AGRN: variants seen among roughly 807,000 people sequenced by gnomAD.
AGRN encodes the protein agrin proteoglycan.
In AGRN, 106 loss-of-function variants were observed where a neutral mutation model predicts 211.0. The observed-to-expected ratio is 0.50, with a 90% CI of 0.43 to 0.59. The LOEUF (loss-of-function observed/expected upper bound fraction) is 0.59. Ranked by LOEUF, AGRN falls within the 20% of genes least tolerant of loss-of-function variation. The pLI is 0.00. For synonymous variants in AGRN, 1,525 were observed against 1,332.5 expected (o/e 1.14, Z -3.15); for missense variants, 3,040 against 2,982.6 (o/e 1.02, Z -0.45).
At chr1:1,038,065 G>A (rs374477282) in intron 3 of AGRN, among the ~76,000 whole-genome samples, 1 of 152,170 alleles carries the variant, frequency 6.6e-6, no homozygotes, top group Non-Finnish European at 1.5e-5. Flanking sequence ...ACTCTTGAGG[G>A]GCAGATGTGT....
At chr1:1,033,800 G>GGCCCCGGGCCCAGCCCCA (rs1644732019) in intron 2 of AGRN, among the ~76,000 whole-genome samples, 2 of 52,674 alleles carry the variant, frequency 3.8e-5, no homozygotes, top group African/African-American at 1.5e-4. Context: ...CAGCGCTCCC[G>GGCCCCGGGCCCAGCCCCA]GCCCCGGGCC....
intron 34 of AGRN, among the ~76,000 whole-genome samples, 153 bp downstream of exon 34, chr1:1,054,130 A>C (rs971435210): frequency 1.3e-5 from 2 of 152,234 alleles, no homozygotes; most frequent in African/African-American, 4.8e-5. Context: ...GGAAGGGCCA[A>C]GAAGATGCAG....
At position 1,050,234 on chromosome 1, in the gene AGRN, C is replaced by T. The variant is rs144586153; in HGVS notation, c.4881C>T (p.Ala1627=). Residue 1627 remains alanine, a splice_region_variant and synonymous_variant, in exon 28 of 36, where the codon GCC becomes GCT. Transcript: ENST00000379370. The stretch of plus-strand genomic sequence containing the variant: ...AGGCCTTGGTGACTCTCCCTACAGC[C>T]TCGGGGCAGGACGGCTCTGGGCCCT... ...LGREGTFCQT[A]SGQDGSGPFL... 492 of 1,613,162 alleles carry T rather than the reference C, an allele frequency of 3.0e-4. No individual in the cohort carries two copies. The highest frequency in any genetic ancestry group is 3.7e-4 in the Non-Finnish European group (436 of 1,179,952).
chr1:1,049,273 G>C lies in AGRN; in HGVS notation c.4336G>C (p.Ala1446Pro). 6.3e-7 allele frequency: 1 copy of C among 1,595,282 alleles called. No individual in the cohort carries two copies. Among genetic ancestry groups the C allele is most frequent in the South Asian group, 1.1e-5 (1 of 90,020 alleles). Residue 1446 changes from alanine (A) to proline (P), a missense_variant, in exon 25 of 36, where the codon GCC becomes CCC. By Grantham distance (27) the Ala-to-Pro change is conservative. This residue lies in a region of AGRN where 1,537 missense variants were observed against 1,505.0 expected (regional missense o/e 1.02). Coordinates refer to ENST00000379370, the MANE Select transcript of AGRN (RefSeq NM_198576.4). The stretch of plus-strand genomic sequence containing the variant: ...TTCGGGGCCGGCGGTGCTGACCAGT[G>C]CCGTGCCGGTAGAGCCGGGCCAGTG... ...TGSGPAVLTS[A>P]VPVEPGQWHR...
In AGRN at chr1:1,040,804, C is replaced by T. The variant is rs1235929400; in HGVS notation, c.651C>T (p.Tyr217=). Residue 217 remains tyrosine (Y), a synonymous_variant, in exon 4 of 36, where the codon TAC becomes TAT. Transcript: ENST00000379370. Reference sequence around the variant, plus strand: ...TGTGTGGGTCGGACGCCTCCACCTACAGCAACGAATGCGAGCTGCAGCGGG... The same window carrying T: ...TGTGTGGGTCGGACGCCTCCACCTATAGCAACGAATGCGAGCTGCAGCGGG... ...APVCGSDAST[Y]SNECELQRAQ... is the part of the protein sequence containing the mutation. 30 of 1,538,950 alleles carry T rather than the reference C, an allele frequency of 1.9e-5. No individual in the cohort carries two copies. The highest frequency in any genetic ancestry group is 5.9e-5 in the South Asian group (5 of 84,178).
intron 1 of AGRN, among the ~76,000 whole-genome samples, chr1:1,021,436 C>T (rs1018906616): frequency 5.3e-5 from 8 of 152,236 alleles, no homozygotes; most frequent in Non-Finnish European, 7.3e-5. Context: ...CTGAGGCTCC[C>T]AGCAGGGGCT....
At chr1:1,024,413 G>A (rs1644474684) in intron 2 of AGRN, among the ~76,000 whole-genome samples, 1 of 151,998 alleles carries the variant, frequency 6.6e-6, no homozygotes, top group Non-Finnish European at 1.5e-5. Context: ...CTAGTGAGGG[G>A]GATGGATGGA....
intron 1 of AGRN, among the ~76,000 whole-genome samples, chr1:1,021,864 A>C (rs1440698635): frequency 6.6e-6 from 1 of 152,188 alleles, no homozygotes; most frequent in Non-Finnish European, 1.5e-5. Context: ...GGTGGGGAGA[A>C]GTGTGGAAGG....
rs535889520 is a variant in AGRN, at chr1:1,055,260, C to T, written c.*279C>T. ...CACTGCGCCTGCCCCACGGTGTCCC[C>T]GCCGGGAAGCAGCCCCGGCTCCTGA... On this transcript the variant is annotated 3_prime_UTR_variant, in exon 36 of 36. Coordinates refer to ENST00000379370, the MANE Select transcript of AGRN (RefSeq NM_198576.4). 1.2e-5 allele frequency: 6 copies of T among 493,700 alleles called. No homozygotes were observed. The highest frequency in any genetic ancestry group is 4.0e-5 in the South Asian group (2 of 49,616). The allele number at this position is 493,700 out of a possible 1,614,324, so 30.6% of individuals were successfully genotyped here.
intron 2 of AGRN, among the ~76,000 whole-genome samples, chr1:1,028,592 CG>C: frequency 8.0e-6 from 1 of 125,092 alleles, no homozygotes; most frequent in South Asian, 3.0e-4. Flanking sequence ...CCCAGCCCCT[CG>C]TGGGCCAAGG....
At chr1:1,033,203 C>T (rs1644711614) in intron 2 of AGRN, among the ~76,000 whole-genome samples, 2 of 152,130 alleles carry the variant, frequency 1.3e-5, no homozygotes, top group South Asian at 4.1e-4. Flanking sequence ...TCGGGGGCGC[C>T]GGCGACTGGA....
In AGRN at chr1:1,051,518, C is replaced by G; in HGVS notation, c.5436C>G (p.Ser1812=). 1 of 1,568,356 alleles carries G rather than the reference C, an allele frequency of 6.4e-7. No individual in the cohort carries two copies. The change falls in exon 32 of 36, where the codon TCC becomes TCG. Residue 1812 remains serine, a synonymous_variant. Transcript: ENST00000379370. The stretch of plus-strand genomic sequence containing the variant: ...TGCTGCGGCAGGTGGACGTCACGTC[C>G]TTTGCAGGTCACCCCTGCACCCGGG... The part of the protein sequence containing the change: ...EHVLRQVDVT[S]FAGHPCTRAS...
intron 2 of AGRN, among the ~76,000 whole-genome samples, chr1:1,027,640 G>A (rs1403362969): frequency 3.9e-5 from 6 of 152,220 alleles, no homozygotes; most frequent in Non-Finnish European, 2.9e-5. Flanking sequence ...GTCCCTTGGG[G>A]CGGCAGTGAG....
chr1:1,040,637 C>G, intron 3 of AGRN, 28 bp from the exon 4 acceptor site: 1 of 1,546,368 alleles, frequency 6.5e-7, no homozygotes, highest in South Asian at 1.2e-5. Context: ...GTCTCGGCAC[C>G]CTGAGCTTTC....
rs1645155187 is a variant in AGRN, at chr1:1,048,130, C to T, written c.3870C>T (p.His1290=). ...PSSAVTPRAP[H]PSHTSQPVAK... ...CTGCTGTGACCCCTCGGGCCCCGCA[C>T]CCCAGTCACACAAGCCAGCCCGTTG... Residue 1290 remains histidine (H), a synonymous_variant, in exon 23 of 36, where the codon CAC becomes CAT. Transcript: ENST00000379370. The surrounding 1 kb of genome is among the most constrained non-coding windows in gnomAD (Gnocchi z 5.9). 6.4e-7 allele frequency: 1 copy of T among 1,572,028 alleles called. No homozygotes were observed. Among genetic ancestry groups the T allele is most frequent in the Non-Finnish European group, 8.6e-7 (1 of 1,166,480 alleles).
chr1:1,050,226 C>T lies in AGRN; in HGVS notation c.4880-7C>T, dbSNP rs1175088081. ...CAGGACTGAGGCCTTGGTGACTCTCCCTACAGCCTCGGGGCAGGACGGCTC... is the reference window on the plus strand; with the variant it reads ...CAGGACTGAGGCCTTGGTGACTCTCTCTACAGCCTCGGGGCAGGACGGCTC... On this transcript the variant is annotated splice_polypyrimidine_tract_variant and splice_region_variant and intron_variant, in intron 27 of 35. Coordinates refer to ENST00000379370, the MANE Select transcript of AGRN (RefSeq NM_198576.4). The T allele has an allele frequency of 3.1e-6, 5 of 1,612,914 alleles. No homozygotes were observed. In the African/African-American group the frequency reaches 4.0e-5, roughly 13 times the overall value.
rs148949051 is a variant in AGRN, at chr1:1,043,265, G to C, written c.1411G>C (p.Val471Leu). The C allele has an allele frequency of 6.2e-7, 1 of 1,610,680 alleles. No individual in the cohort carries two copies. The highest frequency in any genetic ancestry group is 1.1e-5 in the South Asian group (1 of 90,304). The change falls in exon 8 of 36, where the codon GTG (valine) becomes CTG (leucine). Residue 471 changes from valine to leucine, a missense_variant. Physicochemically the swap from Val to Leu is conservative, Grantham distance 32 (BLOSUM62 1). Around this residue, in one of 3 missense-constraint regions of AGRN, gnomAD observed 1,498 missense variants for 1,457.8 expected, o/e 1.03. Transcript: ENST00000379370. ...CDQAPSPCLG[V>L]QCAFGATCAV... is the part of the protein sequence containing the mutation. Reference sequence around the variant, plus strand: ...CCAGGCCCCGTCCCCATGCCTCGGGGTGCAGTGTGCATTTGGGGCGACGTG... The same window carrying C: ...CCAGGCCCCGTCCCCATGCCTCGGGCTGCAGTGTGCATTTGGGGCGACGTG...
chr1:1,044,081 TG>T, intron 10 of AGRN, 27 bp from the exon 11 acceptor site: 1 of 1,613,056 alleles, frequency 6.2e-7, no homozygotes, highest in South Asian at 1.1e-5. Context: ...AAGAAGCCCC[TG>T]GGTGACTCTG....
Position 1,046,094 on chromosome 1 carries a change from G to C in AGRN, c.2805+6G>C, listed in dbSNP as rs770618594. On this transcript the variant is annotated splice_donor_region_variant and intron_variant, in intron 16 of 35. Coordinates refer to ENST00000379370, the MANE Select transcript of AGRN (RefSeq NM_198576.4). ...CAGAGGCCAACGCTACCAAGGTGAG[G>C]GGTGTGGGATGTGAAGGGGAGTGGG... is the stretch of plus-strand genomic sequence containing the variant. The C allele has an allele frequency of 6.2e-7, 1 of 1,613,918 alleles. No individual in the cohort carries two copies. Among genetic ancestry groups the C allele is most frequent in the Non-Finnish European group, 8.5e-7 (1 of 1,180,026 alleles).
Sources: gnomAD v4.1 joint callset for allele counts (sites outside exome capture counted in the v4.1 genomes callset) on GRCh38, gnomAD v4.1.1 for gene constraint, gnomAD v4.1.1 regional missense constraint, Gnocchi (gnomAD v3.1) non-coding constraint, MANE v1.5 for transcripts, NCBI Gene and HGNC (gene_info 2026-07-23, HGNC 2026-07-21) for gene names.